The following GRXCR1 variants were observed in gnomAD, a reference collection of about 807,000 sequenced individuals.
The protein encoded by GRXCR1 is glutaredoxin and cysteine rich domain containing 1.
GRXCR1 carries 27 observed loss-of-function variants against 27.3 expected under a neutral mutation model. The observed-to-expected ratio is 0.99, with a 90% CI of 0.73 to 1.37. The LOEUF (loss-of-function observed/expected upper bound fraction) is 1.37. GRXCR1 is among the 40% of genes most tolerant of loss of function. The pLI, the probability that GRXCR1 is intolerant of heterozygous loss-of-function variation, is 0.00. For synonymous variants in GRXCR1, 122 were observed against 131.1 expected (o/e 0.93, Z 0.47); for missense variants, 379 against 354.4 (o/e 1.07, Z -0.56).
At chr4:42,981,373 G>T (rs1748664311) in intron 2 of GRXCR1, among the ~76,000 whole-genome samples, 1 of 151,942 alleles carries the variant, frequency 6.6e-6, no homozygotes, top group African/African-American at 2.4e-5. Context: ...TGATGTTTCA[G>T]TTTGTCTTTT....
intron 2 of GRXCR1, among the ~76,000 whole-genome samples, chr4:42,967,477 CACTT>C (rs33933548): frequency 0.037 from 5,657 of 152,074 alleles, 265 homozygotes; most frequent in African/African-American, 0.1. Context: ...TTTTATATCT[CACTT>C]AATATGCTCA....
chr4:42,941,439 G>A (rs1390976010), intron 1 of GRXCR1, among the ~76,000 whole-genome samples: 1 of 151,984 alleles, frequency 6.6e-6, no homozygotes, highest in East Asian at 1.9e-4. Flanking sequence ...CTATTGAGGA[G>A]GAATGAAAAT....
At chr4:42,959,134 G>C (rs2109773058) in intron 1 of GRXCR1, among the ~76,000 whole-genome samples, 1 of 151,958 alleles carries the variant, frequency 6.6e-6, no homozygotes, top group African/African-American at 2.4e-5. Flanking sequence ...TATGTTTATT[G>C]CATCATTATT....
intron 1 of GRXCR1, among the ~76,000 whole-genome samples, chr4:42,906,011 T>C (rs956916996): frequency 3.3e-5 from 5 of 152,206 alleles, no homozygotes; most frequent in African/African-American, 1.2e-4. Context: ...AAGCGTTTTA[T>C]AGTAATCTCA....
At chr4:42,910,408 A>G (rs1746696012) in intron 1 of GRXCR1, among the ~76,000 whole-genome samples, 1 of 152,186 alleles carries the variant, frequency 6.6e-6, no homozygotes, top group African/African-American at 2.4e-5. Context: ...CCCAGCAATA[A>G]CAGGGAGATG....
intron 2 of GRXCR1, among the ~76,000 whole-genome samples, chr4:42,988,615 A>G (rs6847053): frequency 0.031 from 4,653 of 152,250 alleles, 80 homozygotes; most frequent in South Asian, 0.059. Flanking sequence ...ACCTTGGTGA[A>G]TTTTCTTTAA....
rs753837921 is a variant in GRXCR1 at position 42,893,317 on chromosome 4, G to A, written c.51G>A (p.Arg17=). The part of the protein sequence containing the change: ...KPESDRPRKV[R]FRIASSHSGR... ...AAAGTGACAGGCCACGGAAAGTCCG[G>A]TTTCGGATCGCGTCCTCTCACAGTG... Residue 17 remains arginine, a synonymous_variant, in exon 1 of 4, where the codon CGG becomes CGA. Transcript: ENST00000399770. 3 of 1,613,762 alleles carry A rather than the reference G, an allele frequency of 1.9e-6. No homozygotes were observed. In the Admixed American group the frequency reaches 5.0e-5, roughly 27 times the overall value.
chr4:42,901,910 G>A (rs1259754709), intron 1 of GRXCR1, among the ~76,000 whole-genome samples: 1 of 152,188 alleles, frequency 6.6e-6, no homozygotes. Context: ...CACAATCAAA[G>A]TATTGAAACT....
At chr4:42,922,343 C>A (rs558273257) in intron 1 of GRXCR1, among the ~76,000 whole-genome samples, 3 of 152,088 alleles carry the variant, frequency 2.0e-5, no homozygotes, top group Non-Finnish European at 4.4e-5. Flanking sequence ...ACCTCCTACA[C>A]CTGTGTGTGG....
At chr4:42,950,016 C>G (rs1014090884) in intron 1 of GRXCR1, among the ~76,000 whole-genome samples, 1 of 152,134 alleles carries the variant, frequency 6.6e-6, no homozygotes, top group African/African-American at 2.4e-5. Flanking sequence ...CATCCAAATG[C>G]ACAGAAAGGG....
rs1746269191 is a variant in GRXCR1 at position 42,893,102 on chromosome 4, GAGACACAC to G, written c.-164_-157del. ...ACACACACATTTATTATTAATAGCA[GAGACACAC>G]TGTAAGTCCTTGGGAATCTTCTTTC... is the stretch of plus-strand genomic sequence containing the variant. On this transcript the variant is annotated 5_prime_UTR_variant, in exon 1 of 4. Transcript: ENST00000399770. Among the ~76,000 whole-genome samples, 2 of 152,076 alleles carry G rather than the reference GAGACACAC, an allele frequency of 1.3e-5. No homozygotes were observed. The highest frequency in any genetic ancestry group is 2.4e-5 in the African/African-American group (1 of 41,424).
chr4:42,932,587 T>TAC (rs1747341077), intron 1 of GRXCR1, among the ~76,000 whole-genome samples: 2 of 39,960 alleles, frequency 5.0e-5, no homozygotes, highest in Admixed American at 3.5e-4. Flanking sequence ...CATATATATA[T>TAC]ATATATATAT....
chr4:42,986,595 T>A (rs888410000), intron 2 of GRXCR1, among the ~76,000 whole-genome samples: 4 of 152,172 alleles, frequency 2.6e-5, no homozygotes, highest in Admixed American at 6.5e-5. Flanking sequence ...CTCTGCTGAA[T>A]GCCGATCTAT....
chr4:42,902,360 G>A (rs1269059444), intron 1 of GRXCR1, among the ~76,000 whole-genome samples: 1 of 152,162 alleles, frequency 6.6e-6, no homozygotes. Context: ...ACTCCAGGGT[G>A]TCCTCTTATC....
At chr4:43,007,857 T>C (rs1452267245) in intron 2 of GRXCR1, among the ~76,000 whole-genome samples, 1 of 152,246 alleles carries the variant, frequency 6.6e-6, no homozygotes, top group Non-Finnish European at 1.5e-5. Flanking sequence ...CTAATAAATG[T>C]CTTTGGCTTT....
intron 3 of GRXCR1, among the ~76,000 whole-genome samples, chr4:43,021,978 C>A (rs763381310): frequency 6.6e-6 from 1 of 152,102 alleles, no homozygotes; most frequent in Non-Finnish European, 1.5e-5. Flanking sequence ...ATTTCTTTAT[C>A]TATTAAATCG....
At chr4:42,987,248 A>AAT (rs1553943940) in intron 2 of GRXCR1, among the ~76,000 whole-genome samples, 43 of 67,508 alleles carry the variant, frequency 6.4e-4, no homozygotes, top group African/African-American at 1.7e-3. Context: ...TATAATATAT[A>AAT]ATATATATAT....
intron 1 of GRXCR1, among the ~76,000 whole-genome samples, chr4:42,903,998 C>T (rs1041681681): frequency 2.8e-4 from 42 of 152,134 alleles, no homozygotes; most frequent in African/African-American, 8.9e-4. Context: ...ACATAATTCG[C>T]CTTGATGTTT....
At chr4:42,958,040 C>T (rs1265026210) in intron 1 of GRXCR1, among the ~76,000 whole-genome samples, 1 of 151,910 alleles carries the variant, frequency 6.6e-6, no homozygotes, top group Non-Finnish European at 1.5e-5. Flanking sequence ...GCAGCATGGG[C>T]TTGTTTGTAC....
Sources: allele counts gnomAD v4.1 joint callset (sites outside exome capture counted in the v4.1 genomes callset), GRCh38; gene constraint gnomAD v4.1.1; transcripts MANE v1.5; gene names NCBI Gene and HGNC (gene_info 2026-07-23, HGNC 2026-07-21).